Variants in AKT3 observed in about 807,000 individuals in gnomAD.
The protein encoded by AKT3 is AKT serine/threonine kinase 3, also known as RAC-gamma serine/threonine-protein kinase.
A neutral mutation model predicts 65.3 loss-of-function variants in AKT3; 15 were observed. That is an observed-to-expected ratio of 0.23 (90% CI 0.15 to 0.35). The LOEUF (loss-of-function observed/expected upper bound fraction) is 0.35, where lower values mean the gene tolerates loss of function less well. AKT3 is among the 10% of genes least tolerant of loss of function. AKT3 has a pLI of 1.00. For synonymous variants in AKT3, 206 were observed against 183.8 expected, an observed-to-expected ratio of 1.12 and a Z score of -0.98; for missense variants, 243 against 576.5, an observed-to-expected ratio of 0.42 and a Z score of 5.92.
At chr1:243,574,484 T>C (rs1674796272) in intron 8 of AKT3, among the ~76,000 whole-genome samples, 1 of 152,142 alleles carries the variant, frequency 6.6e-6, no homozygotes. Flanking sequence ...ATCATCATTT[T>C]ATAAAACACC....
At chr1:243,762,814 G>C (rs1689570642) in intron 2 of AKT3, among the ~76,000 whole-genome samples, 1 of 152,018 alleles carries the variant, frequency 6.6e-6, no homozygotes, top group Admixed American at 6.6e-5. Flanking sequence ...GTATATTATA[G>C]TGAATTTTAA....
At chr1:243,614,365 G>C (rs972687609) in intron 7 of AKT3, among the ~76,000 whole-genome samples, 3 of 152,064 alleles carry the variant, frequency 2.0e-5, no homozygotes, top group African/African-American at 7.2e-5. Context: ...ACAGTGTAAA[G>C]GGTTCCACTT....
intron 1 of AKT3, among the ~76,000 whole-genome samples, chr1:243,848,164 A>G (rs894148806): frequency 3.9e-5 from 6 of 152,204 alleles, no homozygotes; most frequent in African/African-American, 1.4e-4. Flanking sequence ...TGGAACCTCA[A>G]GCCAATCAAA....
At chr1:243,689,107 T>C (rs1186198449) in intron 3 of AKT3, among the ~76,000 whole-genome samples, 1 of 152,180 alleles carries the variant, frequency 6.6e-6, no homozygotes, top group African/African-American at 2.4e-5. Context: ...TGGCAATTAA[T>C]CCTATTTTTC....
At chr1:243,695,792 C>T in intron 2 of AKT3, 76 bp from the exon 3 acceptor site, 1 of 1,357,400 alleles carries the variant, frequency 7.4e-7, no homozygotes, top group Non-Finnish European at 9.7e-7. Flanking sequence ...AATTATGGTA[C>T]AATATATGTC....
Position 243,502,137 on chromosome 1 carries a change from T to C in AKT3, c.*3112A>G, listed in dbSNP as rs1189178281. On this transcript the variant is annotated 3_prime_UTR_variant, in exon 14 of 14. Transcript: ENST00000673466. ...ATTTAAATAAATACTTTACATTTCATGCTTGCCTGTAATGCACTACCAGGA... is the reference window on the plus strand; with the variant it reads ...ATTTAAATAAATACTTTACATTTCACGCTTGCCTGTAATGCACTACCAGGA... 4.3e-6 allele frequency: 1 copy of C among 231,820 alleles called. No individual in the cohort carries two copies. The highest frequency in any genetic ancestry group is 5.6e-5 in the Admixed American group (1 of 17,728). 14.4% of individuals were successfully genotyped at this position (231,820 alleles called of 1,614,324 possible). A position where few individuals can be genotyped will look rare whatever the true frequency, so the allele number is the denominator to read the frequency against.
At chr1:243,847,854 C>G (rs189625550) in intron 1 of AKT3, among the ~76,000 whole-genome samples, 1 of 152,136 alleles carries the variant, frequency 6.6e-6, no homozygotes, top group African/African-American at 2.4e-5. Flanking sequence ...AAGTCCAAAG[C>G]AAAACCTTAA....
intron 2 of AKT3, among the ~76,000 whole-genome samples, chr1:243,731,290 A>T (rs1687550700): frequency 6.6e-6 from 1 of 152,236 alleles, no homozygotes; most frequent in Non-Finnish European, 1.5e-5. Flanking sequence ...CGTTTAAGAT[A>T]AATGGCATGC....
intron 6 of AKT3, among the ~76,000 whole-genome samples, chr1:243,635,409 G>GA (rs907579989): frequency 4.7e-5 from 7 of 149,598 alleles, no homozygotes; most frequent in South Asian, 2.1e-4. Flanking sequence ...CAAGCAGTAG[G>GA]AAAAAAAAAT....
chr1:243,792,982 G>C (rs2148341814), intron 2 of AKT3, among the ~76,000 whole-genome samples: 1 of 152,274 alleles, frequency 6.6e-6, no homozygotes, highest in Non-Finnish European at 1.5e-5. Context: ...TCTAATGTCA[G>C]AACAGAAACA....
intron 6 of AKT3, among the ~76,000 whole-genome samples, chr1:243,627,110 GATAATCAAGACTTGA>G (rs2148633942): frequency 6.6e-6 from 1 of 152,312 alleles, no homozygotes; most frequent in East Asian, 1.9e-4. Flanking sequence ...ACTCACAGCA[GATAATCAAGACTTGA>G]ATAATATAGT....
chr1:243,744,388 C>T (rs184862545), intron 2 of AKT3, among the ~76,000 whole-genome samples: 15 of 152,164 alleles, frequency 9.9e-5, no homozygotes, highest in African/African-American at 3.6e-4. Context: ...TTTACAGAGC[C>T]GTATTCTTAT....
upstream of AKT3, chr1:243,851,041 G>C (rs971991165): frequency 6.6e-6 from 1 of 152,446 alleles, no homozygotes; most frequent in East Asian, 1.9e-4. Flanking sequence ...CGGCGCGAGG[G>C]CTCGCACCTG....
chr1:243,800,334 C>T (rs1692303381), intron 2 of AKT3, among the ~76,000 whole-genome samples: 1 of 152,208 alleles, frequency 6.6e-6, no homozygotes, highest in Non-Finnish European at 1.5e-5. Flanking sequence ...CAAATGCTTA[C>T]AATGCTGCCT....
At chr1:243,795,156 G>A (rs1339188572) in intron 2 of AKT3, among the ~76,000 whole-genome samples, 3 of 143,538 alleles carry the variant, frequency 2.1e-5, no homozygotes, top group Non-Finnish European at 4.6e-5. Flanking sequence ...TTTTTTTAAT[G>A]TTGGAGTCTT....
intron 2 of AKT3, 57 bp from the exon 3 acceptor site, chr1:243,695,773 C>A (rs2148025738): frequency 1.4e-6 from 2 of 1,475,216 alleles, no homozygotes; most frequent in East Asian, 2.4e-5. Context: ...AGCTTTTATG[C>A]AAAAAATAAA....
At chr1:243,657,130 T>C (rs979128309) in intron 4 of AKT3, among the ~76,000 whole-genome samples, 2 of 152,140 alleles carry the variant, frequency 1.3e-5, no homozygotes, top group African/African-American at 4.8e-5. Context: ...GAGGTCATGA[T>C]AGAACTCATA....
intron 1 of AKT3, among the ~76,000 whole-genome samples, chr1:243,849,487 C>G (rs1054537590): frequency 2.0e-5 from 3 of 150,262 alleles, no homozygotes; most frequent in Admixed American, 1.3e-4. Context: ...GCATCCTCGC[C>G]TTCACCCCAC....
rs371683974 is a variant in AKT3, at chr1:243,807,821, CCT to C, written c.46+35302_46+35303del. ...CTGACACCTCACACGGCCGGGCACC[CCT>C]CTGAGACGAAACTTCCAGAGGAACA... is the stretch of plus-strand genomic sequence containing the variant. On this transcript the variant is annotated intron_variant, in intron 2 of 13. Transcript: ENST00000673466. Among the ~76,000 whole-genome samples the C allele has an allele frequency of 3.0e-3, 454 of 152,268 alleles. 5 individuals carry two copies. The highest frequency in any genetic ancestry group is 0.01 in the African/African-American group (424 of 41,552).
Sources: allele counts gnomAD v4.1 joint callset (sites outside exome capture counted in the v4.1 genomes callset), GRCh38; gene constraint gnomAD v4.1.1; transcripts MANE v1.5; gene names NCBI Gene and HGNC (gene_info 2026-07-23, HGNC 2026-07-21).